The following RGS7 variants were observed in gnomAD, a reference collection of about 807,000 sequenced individuals.
RGS7 encodes the protein regulator of G protein signaling 7, also known as regulator of G-protein signaling 7.
Under a neutral mutation model 81.1 loss-of-function variants are expected in RGS7, and 27 were observed. The ratio of observed to expected loss-of-function variants is 0.33; its 90% CI spans 0.25 to 0.46. The LOEUF is 0.46. RGS7 is among the 20% of genes least tolerant of loss of function. The probability of loss-of-function intolerance (pLI) is 1.00; values close to 1 mark genes in which losing one functional copy is unlikely to be tolerated. For synonymous variants in RGS7, 208 were observed against 207.7 expected, an observed-to-expected ratio of 1.00 and a Z score of -0.01; for missense variants, 396 against 607.4, an observed-to-expected ratio of 0.65 and a Z score of 3.66.
chr1:240,788,509 A>G (rs1685437006), intron 18 of RGS7, among the ~76,000 whole-genome samples: 1 of 152,200 alleles, frequency 6.6e-6, no homozygotes, highest in African/African-American at 2.4e-5. Context: ...AGAATTGGTT[A>G]AACATGAAAA....
chr1:240,914,945 T>G (rs886353029), intron 6 of RGS7, among the ~76,000 whole-genome samples: 4 of 152,162 alleles, frequency 2.6e-5, no homozygotes, highest in African/African-American at 9.7e-5. Flanking sequence ...TGCAACTGAT[T>G]AGTTGTTCGA....
chr1:241,271,365 T>C lies in RGS7; in HGVS notation c.78+84334A>G, dbSNP rs1319505207. 6.6e-6 allele frequency among the ~76,000 whole-genome samples: 1 copy of C among 152,204 alleles called. No individual in the cohort carries two copies. The highest frequency in any genetic ancestry group is 6.5e-5 in the Admixed American group (1 of 15,286). Reference sequence around the variant, plus strand: ...AAATTTTTATGCCTCAACATTTTTTTACAAAAGGAAATCAAATGTGAAAAT... The same window carrying C: ...AAATTTTTATGCCTCAACATTTTTTCACAAAAGGAAATCAAATGTGAAAAT... On this transcript the variant is annotated intron_variant, in intron 2 of 18. Coordinates refer to ENST00000440928, the MANE Select transcript of RGS7 (RefSeq NM_001364886.1). This position sits in a 1 kb window ranked among gnomAD's most constrained non-coding sequence, Gnocchi z 4.6.
At chr1:241,168,270 T>C (rs1392305793) in intron 2 of RGS7, among the ~76,000 whole-genome samples, 1 of 152,210 alleles carries the variant, frequency 6.6e-6, no homozygotes, top group Non-Finnish European at 1.5e-5. Flanking sequence ...GGGGACATTT[T>C]TGATAGGTTT....
At chr1:241,070,087 A>G (rs1034518048) in intron 3 of RGS7, among the ~76,000 whole-genome samples, 3 of 152,160 alleles carry the variant, frequency 2.0e-5, no homozygotes, top group African/African-American at 7.2e-5. Flanking sequence ...GACAGCAGTC[A>G]CCTGCTCACA....
intron 4 of RGS7, among the ~76,000 whole-genome samples, chr1:240,965,590 G>T (rs1682151663): frequency 6.6e-6 from 1 of 152,172 alleles, no homozygotes; most frequent in Non-Finnish European, 1.5e-5. Context: ...CTCACAAGTG[G>T]CTGCCATCAG....
chr1:241,072,807 C>A (rs1204386977), intron 3 of RGS7, among the ~76,000 whole-genome samples: 1 of 152,158 alleles, frequency 6.6e-6, no homozygotes, highest in East Asian at 1.9e-4. Context: ...GAAAGGAGGT[C>A]AAGCTCTCCA....
intron 2 of RGS7, among the ~76,000 whole-genome samples, chr1:241,307,813 AATGAG>A (rs1243488819): frequency 3.3e-5 from 5 of 152,058 alleles, no homozygotes; most frequent in South Asian, 2.1e-4. Flanking sequence ...TGAATGAATG[AATGAG>A]ATGTCTTCCC....
intron 18 of RGS7, among the ~76,000 whole-genome samples, chr1:240,791,692 C>A (rs1424260642): frequency 1.3e-5 from 2 of 152,124 alleles, no homozygotes; most frequent in African/African-American, 2.4e-5. Context: ...TTGTTGATGA[C>A]CCAGGGCTGT....
chr1:241,195,086 C>T (rs1051386982), intron 2 of RGS7, among the ~76,000 whole-genome samples: 1 of 152,182 alleles, frequency 6.6e-6, no homozygotes, highest in African/African-American at 2.4e-5. Flanking sequence ...AAGTTGAAGT[C>T]CCACCTGGAG....
At chr1:241,121,710 CTTTTTTTTTTTT>C (rs10681773) in intron 2 of RGS7, among the ~76,000 whole-genome samples, 10 of 66,412 alleles carry the variant, frequency 1.5e-4, no homozygotes, top group Non-Finnish European at 5.3e-5. Context: ...TGCAATTGTT[CTTTTTTTTTTTT>C]TTTTTTTTTT....
In RGS7 at chr1:241,344,040, A is replaced by C. The variant is rs142375402; in HGVS notation, c.78+11659T>G. 7.8e-3 allele frequency among the ~76,000 whole-genome samples: 1,190 copies of C among 152,294 alleles called. 18 individuals carry two copies. The highest frequency in any genetic ancestry group is 0.027 in the African/African-American group (1,116 of 41,558). On this transcript the variant is annotated intron_variant, in intron 2 of 18. Transcript: ENST00000440928. The stretch of plus-strand genomic sequence containing the variant: ...CCTTTATCTTCTTTAAAAGTGCCTT[A>C]TGTACAAACTAAAAAAATTTATATC...
intron 4 of RGS7, among the ~76,000 whole-genome samples, chr1:240,965,002 T>C (rs1256315646): frequency 1.2e-4 from 18 of 152,238 alleles, no homozygotes; most frequent in Admixed American, 1.2e-3. Flanking sequence ...CTTTATCAGA[T>C]ACGTTGATGG....
chr1:241,197,959 A>G (rs78334551), intron 2 of RGS7, among the ~76,000 whole-genome samples: 13 of 140,184 alleles, frequency 9.3e-5, no homozygotes, highest in Non-Finnish European at 1.4e-4. Context: ...CTATCTATCT[A>G]TCTGTCTACC....
intron 4 of RGS7, 67 bp downstream of exon 4, chr1:240,983,012 C>G: frequency 1.1e-6 from 1 of 883,064 alleles, no homozygotes; most frequent in Non-Finnish European, 1.9e-6. Flanking sequence ...TAAAATATCC[C>G]TGATGAAACA....
At position 240,991,721 on chromosome 1, in the gene RGS7, T is replaced by C. The variant is rs139833557; in HGVS notation, c.176-8592A>G. Reference sequence around the variant, plus strand: ...GACTCAAAGAAAATAAAACAAGTAATAAGTGTGTAAAATGTTCAGATATAA... The same window carrying C: ...GACTCAAAGAAAATAAAACAAGTAACAAGTGTGTAAAATGTTCAGATATAA... On this transcript the variant is annotated intron_variant, in intron 3 of 18. Transcript: ENST00000440928. 5.9e-5 allele frequency among the ~76,000 whole-genome samples: 9 copies of C among 152,334 alleles called. No individual in the cohort carries two copies. The East Asian group carries it at 1.7e-3, about 29-fold the overall frequency.
intron 2 of RGS7, among the ~76,000 whole-genome samples, chr1:241,133,100 A>G (rs2067237825): frequency 6.6e-6 from 1 of 152,196 alleles, no homozygotes; most frequent in African/African-American, 2.4e-5. Context: ...TTCTACAGAA[A>G]AAGTTGTGAA....
At chr1:241,072,794 G>T (rs372912717) in intron 3 of RGS7, among the ~76,000 whole-genome samples, 3 of 152,166 alleles carry the variant, frequency 2.0e-5, no homozygotes, top group Admixed American at 2.0e-4. Context: ...GAGGCAGGAT[G>T]GAGAAAGGAG....
rs186662603 is a variant in RGS7 at position 240,961,672 on chromosome 1, C to T, written c.226+21407G>A. Among the ~76,000 whole-genome samples, 6 of 152,206 alleles carry T rather than the reference C, an allele frequency of 3.9e-5. No homozygotes were observed. In the East Asian group the frequency reaches 1.2e-3, roughly 29 times the overall value. On this transcript the variant is annotated intron_variant, in intron 4 of 18. Coordinates refer to ENST00000440928, the MANE Select transcript of RGS7 (RefSeq NM_001364886.1). ...ATGCGCAATGGGGAATGCAAAATGG[C>T]TTAAATGGCATTTGGCATTGAACTG...
intron 2 of RGS7, among the ~76,000 whole-genome samples, chr1:241,111,749 C>A (rs150896421): frequency 6.6e-6 from 1 of 152,308 alleles, no homozygotes; most frequent in African/African-American, 2.4e-5. Flanking sequence ...GTGGGAAGAA[C>A]AGCCTTATGC....
Sources: allele counts gnomAD v4.1 joint callset (sites outside exome capture counted in the v4.1 genomes callset), GRCh38; gene constraint gnomAD v4.1.1; non-coding constraint Gnocchi (gnomAD v3.1); transcripts MANE v1.5; gene names NCBI Gene and HGNC (gene_info 2026-07-23, HGNC 2026-07-21).